Variants in ASCC3 observed in about 807,000 individuals in gnomAD.
ASCC3 encodes activating signal cointegrator 1 complex subunit 3.
Under a neutral mutation model 256.3 loss-of-function variants are expected in ASCC3, and 158 were observed. The ratio of observed to expected loss-of-function variants is 0.62; its 90% CI spans 0.54 to 0.70. The LOEUF (loss-of-function observed/expected upper bound fraction) is 0.70. Among genes scored for constraint, ASCC3 ranks in the 30% least tolerant of loss-of-function variants. The probability of loss-of-function intolerance (pLI) is 0.00; values close to 1 mark genes in which losing one functional copy is unlikely to be tolerated. For missense variants in ASCC3, 2,259 were observed against 2,626.0 expected (o/e 0.86, Z 3.05); for synonymous variants, 948 against 883.4 (o/e 1.07, Z -1.30).
chr6:100,752,174 A>G lies in ASCC3; in HGVS notation c.1737+14391T>C, dbSNP rs576546004. Among the ~76,000 whole-genome samples, 28 of 152,140 alleles carry G rather than the reference A, an allele frequency of 1.8e-4. No individual in the cohort carries two copies. In the East Asian group the frequency reaches 4.6e-3, roughly 25 times the overall value. ...GCATTATTGCATCAGTATTATTCTC[A>G]GTTTCTCTTTTTAATCCAACTCATA... On this transcript the variant is annotated intron_variant, in intron 10 of 41. Coordinates refer to ENST00000369162, the MANE Select transcript of ASCC3 (RefSeq NM_006828.4).
intron 17 of ASCC3, 33 bp downstream of exon 17, chr6:100,655,666 C>T: frequency 1.9e-6 from 3 of 1,601,764 alleles, no homozygotes; most frequent in Non-Finnish European, 2.6e-6. Flanking sequence ...AAAAGAAGGT[C>T]TGAATTTTTT....
rs766872572 is a variant in ASCC3, at chr6:100,644,154, A to G, written c.3634-25T>C. On this transcript the variant is annotated intron_variant, in intron 22 of 41. Coordinates refer to ENST00000369162, the MANE Select transcript of ASCC3 (RefSeq NM_006828.4). ...CCTAGAAGAAAAATAGCATCCTGCT[A>G]CTATGCATATCATAACTCAAATAAG... 41 of 1,467,372 alleles carry G rather than the reference A, an allele frequency of 2.8e-5. No individual in the cohort carries two copies. In the East Asian group the frequency reaches 9.3e-4, roughly 33 times the overall value. The allele number at this position is 1,467,372 out of a possible 1,614,324, so 90.9% of individuals were successfully genotyped here.
chr6:100,606,458 T>C (rs529617592), intron 32 of ASCC3, among the ~76,000 whole-genome samples: 166 of 152,262 alleles, frequency 1.1e-3, no homozygotes, highest in African/African-American at 3.8e-3. Context: ...AGAAGTACTT[T>C]TATCTATTTA....
intron 16 of ASCC3, among the ~76,000 whole-genome samples, chr6:100,660,441 A>G (rs935967392): frequency 2.0e-5 from 3 of 151,712 alleles, no homozygotes; most frequent in Admixed American, 6.6e-5. Context: ...TTAACCCAAC[A>G]CGTAGTTATT....
At chr6:100,726,369 G>A (rs12525128) in intron 10 of ASCC3, among the ~76,000 whole-genome samples, 52,471 of 151,658 alleles carry the variant, frequency 0.35, 10,696 homozygotes, top group Middle Eastern at 0.51. Flanking sequence ...AAATACAAAC[G>A]TGGCCATCTA....
intron 37 of ASCC3, chr6:100,530,405 T>C: frequency 1.9e-6 from 2 of 1,066,276 alleles, no homozygotes; most frequent in South Asian, 2.5e-5. Context: ...CAACAGATAA[T>C]TTTTTCCAAA....
At chr6:100,840,884 C>A (rs906923336) in intron 4 of ASCC3, among the ~76,000 whole-genome samples, 41 of 150,572 alleles carry the variant, frequency 2.7e-4, no homozygotes, top group South Asian at 1.5e-3. Flanking sequence ...AATTAGAAAA[C>A]GAGTTGTATA....
At chr6:100,819,398 T>C (rs1770930153) in intron 4 of ASCC3, among the ~76,000 whole-genome samples, 1 of 152,158 alleles carries the variant, frequency 6.6e-6, no homozygotes, top group Admixed American at 6.5e-5. Context: ...AGGATAGATG[T>C]ATACATGACA....
chr6:100,539,091 C>G lies in ASCC3; in HGVS notation c.5775+1072G>C, dbSNP rs1478308375. Among the ~76,000 whole-genome samples, 4 of 152,126 alleles carry G rather than the reference C, an allele frequency of 2.6e-5. No homozygotes were observed. The East Asian group carries it at 5.8e-4, about 22-fold the overall frequency. On this transcript the variant is annotated intron_variant, in intron 37 of 41. Transcript: ENST00000369162. ...CCCTTGTTCAATTCATTAGAAGAGT[C>G]TGTTAGTTCTCCTTAGAAAAATATT...
At chr6:100,728,256 G>C (rs1481694269) in intron 10 of ASCC3, among the ~76,000 whole-genome samples, 1 of 151,984 alleles carries the variant, frequency 6.6e-6, no homozygotes, top group Admixed American at 6.6e-5. Flanking sequence ...ATGATAAAGA[G>C]AGAGTGAGAG....
intron 30 of ASCC3, among the ~76,000 whole-genome samples, chr6:100,608,069 T>TAGATATATATGTATATATCGATATAC (rs1773008069): frequency 1.1e-5 from 1 of 92,200 alleles, no homozygotes; most frequent in South Asian, 3.0e-4. Flanking sequence ...CACATATATA[T>TAGATATATATGTATATATCGATATAC]ACATATATAT....
At chr6:100,608,393 TATACC>T (rs1420415709) in intron 30 of ASCC3, among the ~76,000 whole-genome samples, 1 of 31,000 alleles carries the variant, frequency 3.2e-5, no homozygotes, top group East Asian at 1.2e-3. Flanking sequence ...CTTATATATG[TATACC>T]TTATATATAT....
intron 10 of ASCC3, among the ~76,000 whole-genome samples, chr6:100,746,470 G>C (rs1780683128): frequency 1.3e-5 from 2 of 152,068 alleles, no homozygotes; most frequent in African/African-American, 4.8e-5. Flanking sequence ...ATATCCTAAG[G>C]GTTGTGGGTA....
chr6:100,589,828 ATAATT>A, intron 35 of ASCC3, 60 bp from the exon 36 acceptor site: 1 of 1,607,626 alleles, frequency 6.2e-7, no homozygotes, highest in Non-Finnish European at 8.5e-7. Context: ...TATAAAATTA[ATAATT>A]CAGACAGGTG....
At chr6:100,572,749 T>C (rs1054355774) in intron 36 of ASCC3, among the ~76,000 whole-genome samples, 2 of 152,190 alleles carry the variant, frequency 1.3e-5, no homozygotes, top group African/African-American at 4.8e-5. Context: ...GTTGTTGTTG[T>C]TGTTTAAAGT....
chr6:100,828,107 A>AC (rs1771416400), intron 4 of ASCC3, among the ~76,000 whole-genome samples: 1 of 150,892 alleles, frequency 6.6e-6, no homozygotes. Context: ...AAAAAAAAAA[A>AC]ACGAAAAAAA....
rs151262916 is a variant in ASCC3, at chr6:100,851,993, G to C, written c.242-3286C>G. Among the ~76,000 whole-genome samples, 14 of 152,280 alleles carry C rather than the reference G, an allele frequency of 9.2e-5. No homozygotes were observed. The East Asian group carries it at 2.5e-3, about 27-fold the overall frequency. ...GCACCGACATGCTTTCCAGCACACT[G>C]TCCGCATGAGATGACGTATGTAGGC... is the stretch of plus-strand genomic sequence containing the variant. On this transcript the variant is annotated intron_variant, in intron 3 of 41. Transcript: ENST00000369162.
At chr6:100,624,245 A>C (rs1774120522) in intron 30 of ASCC3, among the ~76,000 whole-genome samples, 1 of 151,806 alleles carries the variant, frequency 6.6e-6, no homozygotes, top group African/African-American at 2.4e-5. Context: ...TAATCTATAA[A>C]ATTTTATATA....
chr6:100,721,801 G>T (rs34578923), intron 11 of ASCC3, among the ~76,000 whole-genome samples: 64,104 of 147,472 alleles, frequency 0.43, 13,739 homozygotes, highest in South Asian at 0.59. Flanking sequence ...TTTTGTTGTT[G>T]TTGTTGCAAT....
Sources: allele counts gnomAD v4.1 joint callset (sites outside exome capture counted in the v4.1 genomes callset), GRCh38; gene constraint gnomAD v4.1.1; transcripts MANE v1.5; gene names NCBI Gene and HGNC (gene_info 2026-07-23, HGNC 2026-07-21).